The following IFT88 variants were observed in gnomAD, a reference collection of about 807,000 sequenced individuals.
IFT88 encodes intraflagellar transport protein 88 homolog.
In IFT88, 74 loss-of-function variants were observed where a neutral mutation model predicts 119.5. That is an observed-to-expected ratio of 0.62 (90% CI 0.51 to 0.75). The LOEUF (loss-of-function observed/expected upper bound fraction) is 0.75. Among genes scored for constraint, IFT88 ranks in the 30% least tolerant of loss-of-function variants. IFT88 has a pLI of 0.00. For missense variants in IFT88, 961 were observed against 977.7 expected (o/e 0.98, Z 0.23); for synonymous variants, 279 against 316.7 (o/e 0.88, Z 1.26).
At chr13:20,609,929 T>C (rs536161345) in intron 13 of IFT88, among the ~76,000 whole-genome samples, 16 of 152,244 alleles carry the variant, frequency 1.1e-4, no homozygotes, top group African/African-American at 3.6e-4. Flanking sequence ...GAGGGGACCA[T>C]GGCTTGGCTT....
chr13:20,656,122 T>TAAAAAAAAAAAAAA (rs60352862), intron 21 of IFT88, among the ~76,000 whole-genome samples: 3 of 104,764 alleles, frequency 2.9e-5, no homozygotes, highest in Non-Finnish European at 5.3e-5. Flanking sequence ...CTCGTCTCTT[T>TAAAAAAAAAAAAAA]AAAAAAAAAA....
At chr13:20,655,463 A>C (rs554590600) in intron 21 of IFT88, among the ~76,000 whole-genome samples, 121 of 149,276 alleles carry the variant, frequency 8.1e-4, no homozygotes, top group Non-Finnish European at 1.5e-3. Context: ...AACAAAAAAA[A>C]CCACACATTT....
chr13:20,568,058 T>C (rs1301432498), intron 1 of IFT88: 1 of 709,154 alleles, frequency 1.4e-6, no homozygotes, highest in African/African-American at 1.7e-5. Context: ...CCAGAAAGTT[T>C]ACGAATTTGT....
At chr13:20,639,272 C>A (rs2049486825) in intron 17 of IFT88, among the ~76,000 whole-genome samples, 1 of 152,070 alleles carries the variant, frequency 6.6e-6, no homozygotes, top group African/African-American at 2.4e-5. Context: ...TGATTTTGGG[C>A]TGTCTCCTGG....
intron 2 of IFT88, among the ~76,000 whole-genome samples, chr13:20,575,262 T>C (rs2037160513): frequency 6.6e-6 from 1 of 152,186 alleles, no homozygotes; most frequent in Non-Finnish European, 1.5e-5. Context: ...GGCCTCCAGT[T>C]CCATCCACAT....
intron 11 of IFT88, 130 bp downstream of exon 11, chr13:20,599,695 T>G: frequency 1.8e-6 from 1 of 568,450 alleles, no homozygotes; most frequent in Non-Finnish European, 3.1e-6. Flanking sequence ...ACGTGTAGTA[T>G]TTTGATCTGT....
intron 2 of IFT88, among the ~76,000 whole-genome samples, chr13:20,576,666 A>G (rs1216641542): frequency 1.3e-5 from 2 of 152,202 alleles, no homozygotes; most frequent in African/African-American, 4.8e-5. Flanking sequence ...TTTGTCAAAA[A>G]TGAGTTCACT....
Position 20,639,786 on chromosome 13 carries a change from C to CTT in IFT88, c.1573+1287_1573+1288dup, listed in dbSNP as rs34190452. Among the ~76,000 whole-genome samples, 409 of 109,454 alleles carry CTT rather than the reference C, an allele frequency of 3.7e-3. 9 individuals are homozygous for CTT. Among genetic ancestry groups the CTT allele is most frequent in the East Asian group, 0.016 (54 of 3,450 alleles). 71.8% of individuals were successfully genotyped at this position (109,454 alleles called of 152,430 possible). ...TTATTATTGATATAGTAAAATTTGTCTTTTTTTTTTTTTTTTTTTTGAGAC... is the reference window on the plus strand; with the variant it reads ...TTATTATTGATATAGTAAAATTTGTCTTTTTTTTTTTTTTTTTTTTTTGAGAC... On this transcript the variant is annotated intron_variant, in intron 17 of 25. Coordinates refer to ENST00000351808, the MANE Select transcript of IFT88 (RefSeq NM_006531.5).
At position 20,597,032 on chromosome 13, in the gene IFT88, AG is replaced by A. The variant is rs1466487392; in HGVS notation, c.508del (p.Asp170MetfsTer10). On this transcript the variant is annotated frameshift_variant, in exon 9 of 26. Transcript: ENST00000351808. LOFTEE classifies it high-confidence loss of function. ...DLKLALEKAKDAGRKERVLVR... is the reference protein window; with the variant it reads ...DLKLALEKAKXAGRKERVLVR... ...GATTTCAGGCCTTAGAAAAGGCAAA[AG>A]ATGCAGGAAGAAAAGAGAGAGTCCT... The A allele has an allele frequency of 3.7e-6, 6 of 1,602,052 alleles. No individual in the cohort carries two copies. In the South Asian group the frequency reaches 6.8e-5, roughly 18 times the overall value.
At chr13:20,592,519 G>C in intron 7 of IFT88, 115 bp downstream of exon 7, 1 of 688,352 alleles carries the variant, frequency 1.5e-6, no homozygotes, top group South Asian at 2.0e-5. Flanking sequence ...GCCCAGGCTG[G>C]AGTGCAGTGA....
chr13:20,623,869 G>A (rs1268529994), intron 14 of IFT88, among the ~76,000 whole-genome samples: 1 of 152,114 alleles, frequency 6.6e-6, no homozygotes, highest in African/African-American at 2.4e-5. Flanking sequence ...TTATTCCTAA[G>A]TATTGTATTC....
At position 20,605,015 on chromosome 13, in the gene IFT88, C is replaced by T. The variant is rs1306285969; in HGVS notation, c.1042-20C>T. ...TTTACTTCTGAATTATTCTTTTTTT[C>T]TTCCATTTTATTTTACCAGGATGAT... On this transcript the variant is annotated intron_variant, in intron 12 of 25. Coordinates refer to ENST00000351808, the MANE Select transcript of IFT88 (RefSeq NM_006531.5). 2 of 1,217,152 alleles carry T rather than the reference C, an allele frequency of 1.6e-6. No individual in the cohort carries two copies. Among genetic ancestry groups the T allele is most frequent in the Admixed American group, 1.9e-5 (1 of 51,766 alleles). The allele number at this position is 1,217,152 out of a possible 1,614,324, so 75.4% of individuals were successfully genotyped here. A position where few individuals can be genotyped will look rare whatever the true frequency, so the allele number is the denominator to read the frequency against.
At chr13:20,609,693 G>A (rs1463696157) in intron 13 of IFT88, among the ~76,000 whole-genome samples, 1 of 152,062 alleles carries the variant, frequency 6.6e-6, no homozygotes, top group African/African-American at 2.4e-5. Context: ...GCAGTGAGCC[G>A]AGATCATGCC....
chr13:20,569,083 T>C (rs1043500134), intron 1 of IFT88, among the ~76,000 whole-genome samples: 2 of 152,134 alleles, frequency 1.3e-5, no homozygotes, highest in East Asian at 1.9e-4. Flanking sequence ...TTTGCCCTCA[T>C]AGTAGTTAAT....
At chr13:20,641,147 CAAAA>C (rs1156449502) in intron 17 of IFT88, 139 bp from the exon 18 acceptor site, 2 of 569,898 alleles carry the variant, frequency 3.5e-6, no homozygotes, top group East Asian at 6.0e-5. Context: ...GACCCTGTAT[CAAAA>C]AACAAAAACC....
At chr13:20,653,990 G>A in intron 21 of IFT88, 62 bp downstream of exon 21, 6 of 870,210 alleles carry the variant, frequency 6.9e-6, no homozygotes, top group South Asian at 3.3e-5. Flanking sequence ...AGGTAATTAT[G>A]CATATAAATG....
At chr13:20,630,917 C>T in intron 15 of IFT88, 99 bp from the exon 16 acceptor site, 1 of 670,840 alleles carries the variant, frequency 1.5e-6, no homozygotes, top group Non-Finnish European at 2.6e-6. Context: ...TGTGCCCTTC[C>T]CTGGTCTTAC....
At chr13:20,612,709 G>T (rs946436889) in intron 13 of IFT88, among the ~76,000 whole-genome samples, 3 of 152,118 alleles carry the variant, frequency 2.0e-5, no homozygotes, top group African/African-American at 7.2e-5. Context: ...GCAAAGTTGG[G>T]ACTCAAACTA....
chr13:20,600,534 TTG>T (rs2042419179), intron 11 of IFT88, among the ~76,000 whole-genome samples: 1 of 152,096 alleles, frequency 6.6e-6, no homozygotes, highest in Admixed American at 6.5e-5. Context: ...AATAAACTAA[TTG>T]AGTTGAAATA....
Sources: allele counts gnomAD v4.1 joint callset (sites outside exome capture counted in the v4.1 genomes callset), GRCh38; gene constraint gnomAD v4.1.1; transcripts MANE v1.5; gene names NCBI Gene and HGNC (gene_info 2026-07-23, HGNC 2026-07-21).